The following SLA variants were observed in gnomAD, a reference collection of about 807,000 sequenced individuals.
SLA encodes the protein src-like-adapter.
Under a neutral mutation model 30.3 loss-of-function variants are expected in SLA, and 16 were observed. The observed-to-expected ratio is 0.53, with a 90% CI of 0.36 to 0.80. The LOEUF (loss-of-function observed/expected upper bound fraction) is 0.80, where lower values mean the gene tolerates loss of function less well. Ranked by LOEUF, SLA falls within the 30% of genes least tolerant of loss-of-function variation. The pLI is 0.01. For missense variants in SLA, 310 were observed against 345.2 expected (o/e 0.90, Z 0.81); for synonymous variants, 143 against 137.8 (o/e 1.04, Z -0.26).
chr8:133,037,669 T>C lies in SLA; in HGVS notation c.*855A>G, dbSNP rs1837341313. 1 of 151,968 alleles carries C rather than the reference T, an allele frequency of 6.6e-6. No individual in the cohort carries two copies. Among genetic ancestry groups the C allele is most frequent in the Non-Finnish European group, 1.5e-5 (1 of 67,994 alleles). 9.4% of individuals were successfully genotyped at this position (151,968 alleles called of 1,614,324 possible). A position where few individuals can be genotyped will look rare whatever the true frequency, so the allele number is the denominator to read the frequency against. On this transcript the variant is annotated 3_prime_UTR_variant, in exon 9 of 9. Coordinates refer to ENST00000338087, the MANE Select transcript of SLA (RefSeq NM_001045556.3). ...TTTTTTTTTGGCTTGCCTGACACCT[T>C]ACAGAGGACTTAATGCAATGCCTAT...
rs574604501 is a variant in SLA, at chr8:133,102,591, G to A, written c.-357C>T. On this transcript the variant is annotated 5_prime_UTR_variant, in exon 1 of 9. Coordinates refer to ENST00000338087, the MANE Select transcript of SLA (RefSeq NM_001045556.3). ...GGGCTGCCTGAGATGTTCTCCATTC[G>A]CAGCAAATGATCTTATTTTCTGAAG... 2.0e-5 allele frequency: 31 copies of A among 1,550,144 alleles called. No individual in the cohort carries two copies. Among genetic ancestry groups the A allele is most frequent in the East Asian group, 2.0e-4 (8 of 40,898 alleles).
intron 2 of SLA, among the ~76,000 whole-genome samples, chr8:133,072,122 C>G (rs1369762813): frequency 6.6e-6 from 1 of 152,060 alleles, no homozygotes; most frequent in Non-Finnish European, 1.5e-5. Context: ...CTCACCAACC[C>G]CCTCTACACA....
rs1010251142 is a variant in SLA, at chr8:133,055,360, C to T, written c.62-4445G>A. Among the ~76,000 whole-genome samples the T allele has an allele frequency of 9.8e-4, 43 of 43,974 alleles. No homozygotes were observed. The East Asian group carries it at 0.015, about 15-fold the overall frequency. The allele number at this position is 43,974 out of a possible 152,430, so 28.8% of individuals were successfully genotyped here. ...GTCATCTTCAGGACACACACACGCA[C>T]GCGCGCACACACACACACACACACA... On this transcript the variant is annotated intron_variant, in intron 3 of 8. Transcript: ENST00000338087.
intron 3 of SLA, among the ~76,000 whole-genome samples, chr8:133,054,314 C>T (rs1395707150): frequency 1.3e-5 from 2 of 152,034 alleles, no homozygotes; most frequent in East Asian, 1.9e-4. Context: ...ATATGCACTG[C>T]GCATGAAAGA....
At chr8:133,081,196 A>G (rs559467492) in intron 1 of SLA, among the ~76,000 whole-genome samples, 28 of 152,372 alleles carry the variant, frequency 1.8e-4, no homozygotes, top group African/African-American at 6.5e-4. Context: ...TTTCCTTTCA[A>G]ATTGGAGCCT....
At position 133,038,722 on chromosome 8, in the gene SLA, G is replaced by A. The variant is rs761546438; in HGVS notation, c.633C>T (p.Pro211=). 25 of 1,613,484 alleles carry A rather than the reference G, an allele frequency of 1.5e-5. No homozygotes were observed. The highest frequency in any genetic ancestry group is 1.6e-4 in the Middle Eastern group (1 of 6,080). The stretch of plus-strand genomic sequence containing the variant: ...CCCCAAGCGGGTTCTCTGTTCCCTC[G>A]GGGTCCTCCTGCAGTCTGTGGGCCA... ...WRRVSRLQED[P]EGTENPLGVD... Residue 211 remains proline (P), a synonymous_variant, in exon 9 of 9, where the codon CCC becomes CCT. Coordinates refer to ENST00000338087, the MANE Select transcript of SLA (RefSeq NM_001045556.3).
chr8:133,049,367 A>T lies in SLA; in HGVS notation c.248+535T>A, dbSNP rs1279148569. 3 of 321,798 alleles carry T rather than the reference A, an allele frequency of 9.3e-6. No homozygotes were observed. The East Asian group carries it at 2.3e-4, about 25-fold the overall frequency. The allele number at this position is 321,798 out of a possible 1,614,324, so 19.9% of individuals were successfully genotyped here. ...TAATATTTATCGAGTGCTTACTGTA[A>T]TGCCTGGCATTGCTCCAAGAACTAC... On this transcript the variant is annotated intron_variant, in intron 5 of 8. Coordinates refer to ENST00000338087, the MANE Select transcript of SLA (RefSeq NM_001045556.3).
intron 6 of SLA, among the ~76,000 whole-genome samples, chr8:133,046,212 AG>A (rs1414889683): frequency 1.9e-4 from 29 of 152,218 alleles, no homozygotes; most frequent in Non-Finnish European, 2.9e-5. Flanking sequence ...CAGAGGAGAA[AG>A]GGAGCTGATT....
At chr8:133,039,952 T>TGC (rs764358273) in intron 8 of SLA, 46 bp downstream of exon 8, 3 of 1,076,626 alleles carry the variant, frequency 2.8e-6, no homozygotes, top group African/African-American at 2.2e-5. Flanking sequence ...AGCACTTGCA[T>TGC]GCACACACAC....
At chr8:133,081,477 G>A (rs993346309) in intron 1 of SLA, among the ~76,000 whole-genome samples, 3 of 152,186 alleles carry the variant, frequency 2.0e-5, no homozygotes, top group Non-Finnish European at 2.9e-5. Flanking sequence ...AGTTGGATCA[G>A]CGGTCCATCT....
chr8:133,039,919 G>T, intron 8 of SLA, 79 bp downstream of exon 8: 1 of 1,510,118 alleles, frequency 6.6e-7, no homozygotes, highest in Non-Finnish European at 8.9e-7. Context: ...CACACACACC[G>T]TTTTGTGCTC....
Position 133,041,889 on chromosome 8 carries a change from G to A in SLA, c.485-1759C>T, listed in dbSNP as rs576438036. Among the ~76,000 whole-genome samples the A allele has an allele frequency of 4.7e-5, 7 of 150,364 alleles. No individual in the cohort carries two copies. In the East Asian group the frequency reaches 1.4e-3, roughly 30 times the overall value. ...TGCAACCTCTGCCTCCCAGGTTCAA[G>A]TGATTCTCTTGCCTCAGACTCCCGA... On this transcript the variant is annotated intron_variant, in intron 7 of 8. Transcript: ENST00000338087.
At chr8:133,043,349 G>T (rs566585348) in intron 7 of SLA, among the ~76,000 whole-genome samples, 3 of 152,136 alleles carry the variant, frequency 2.0e-5, no homozygotes, top group Non-Finnish European at 4.4e-5. Context: ...CACCCCCTCC[G>T]ATGGTTGTTA....
At chr8:133,100,732 G>A (rs1849111647) in intron 1 of SLA, among the ~76,000 whole-genome samples, 1 of 152,088 alleles carries the variant, frequency 6.6e-6, no homozygotes, top group Non-Finnish European at 1.5e-5. Context: ...CGGTATGCTG[G>A]GTACTGAAAT....
At chr8:133,040,471 A>T in intron 7 of SLA, 1 of 271,634 alleles carries the variant, frequency 3.7e-6, no homozygotes, top group East Asian at 8.1e-5. Flanking sequence ...TCAACTGCAG[A>T]ATGAAAGAAA....
intron 3 of SLA, among the ~76,000 whole-genome samples, chr8:133,058,714 G>A (rs552441293): frequency 4.6e-5 from 7 of 152,340 alleles, no homozygotes; most frequent in African/African-American, 1.7e-4. Flanking sequence ...CACCCTGCAC[G>A]TTGCACGCTG....
intron 6 of SLA, among the ~76,000 whole-genome samples, chr8:133,045,387 C>CTTTT (rs5895172): frequency 1.8e-3 from 117 of 65,864 alleles, no homozygotes; most frequent in East Asian, 2.7e-3. Context: ...ATCCTCTTTG[C>CTTTT]TTTTTTTTTT....
At chr8:133,060,476 G>GA in intron 2 of SLA, 14 of 1,005,316 alleles carry the variant, frequency 1.4e-5, no homozygotes, top group Non-Finnish European at 1.8e-5. Context: ...CCTTGCTGAG[G>GA]ATGGTAAGCA....
rs566265180 is a variant in SLA at position 133,054,352 on chromosome 8, G to A, written c.62-3437C>T. Among the ~76,000 whole-genome samples, 51 of 152,294 alleles carry A rather than the reference G, an allele frequency of 3.3e-4. 1 individual carries two copies. The Middle Eastern group carries it at 0.014, about 41-fold the overall frequency. On this transcript the variant is annotated intron_variant, in intron 3 of 8. Transcript: ENST00000338087. ...AAACCCAGAGAGAATTTTCGGGAAA[G>A]AGAATGGGGCTTTGAAACCAATCAG...
Sources: gnomAD v4.1 joint callset for allele counts (sites outside exome capture counted in the v4.1 genomes callset) on GRCh38, gnomAD v4.1.1 for gene constraint, MANE v1.5 for transcripts, NCBI Gene and HGNC (gene_info 2026-07-23, HGNC 2026-07-21) for gene names.